The following SLC22A3 variants were observed in gnomAD, a reference collection of about 807,000 sequenced individuals.
SLC22A3 encodes the protein solute carrier family 22 member 3, also known as EMT organic cation transporter 3.
In SLC22A3, 51 loss-of-function variants were observed where a neutral mutation model predicts 59.1. The ratio of observed to expected loss-of-function variants is 0.86; its 90% confidence interval spans 0.69 to 1.09. The LOEUF (loss-of-function observed/expected upper bound fraction) is 1.09, where lower values mean the gene tolerates loss of function less well. Among genes scored for constraint, SLC22A3 ranks in the 50% least tolerant of loss-of-function variants. The probability of loss-of-function intolerance (pLI) is 0.00; values close to 1 mark genes in which losing one functional copy is unlikely to be tolerated. For missense variants in SLC22A3, 711 were observed against 726.3 expected, an observed-to-expected ratio of 0.98 and a Z score of 0.24; for synonymous variants, 325 against 292.0, an observed-to-expected ratio of 1.11 and a Z score of -1.15.
Position 160,439,328 on chromosome 6 carries a change from T to A in SLC22A3, c.1288+2117T>A, listed in dbSNP as rs1319710409. 3.3e-5 allele frequency among the ~76,000 whole-genome samples: 5 copies of A among 152,290 alleles called. No individual in the cohort carries two copies. The East Asian group carries it at 9.7e-4, about 29-fold the overall frequency. The stretch of plus-strand genomic sequence containing the variant: ...GATGAAGTCTTCTGTTCTCATCGTA[T>A]GTGGACTAGGAATGAATGAAATATT... On this transcript the variant is annotated intron_variant, in intron 7 of 10. Transcript: ENST00000275300.
At chr6:160,381,386 A>G (rs768935420) in intron 1 of SLC22A3, among the ~76,000 whole-genome samples, 2 of 152,224 alleles carry the variant, frequency 1.3e-5, no homozygotes, top group Non-Finnish European at 2.9e-5. Context: ...GGAGTAAGGT[A>G]AAACAGAAGC....
At chr6:160,364,440 G>A (rs141538843) in intron 1 of SLC22A3, among the ~76,000 whole-genome samples, 11 of 152,344 alleles carry the variant, frequency 7.2e-5, no homozygotes, top group African/African-American at 2.4e-4. Flanking sequence ...TGGGTGCAGC[G>A]TTGACAATAA....
intron 1 of SLC22A3, among the ~76,000 whole-genome samples, chr6:160,361,775 G>A (rs1008050342): frequency 6.6e-6 from 1 of 152,200 alleles, no homozygotes; most frequent in Non-Finnish European, 1.5e-5. Flanking sequence ...AGGAAAAGAA[G>A]TTCTGTAAAT....
At position 160,426,474 on chromosome 6, in the gene SLC22A3, G is replaced by A. The variant is rs965172859; in HGVS notation, c.976-10306G>A. The stretch of plus-strand genomic sequence containing the variant: ...CCTCCTCTATTCCCACTCTTCCCTC[G>A]GCAGGTTCCCACTCTAATGTGTCTG... On this transcript the variant is annotated intron_variant, in intron 5 of 10. Coordinates refer to ENST00000275300, the MANE Select transcript of SLC22A3 (RefSeq NM_021977.4). 1.2e-5 allele frequency: 6 copies of A among 498,684 alleles called. 1 individual carries two copies. The highest frequency in any genetic ancestry group is 8.6e-5 in the South Asian group (1 of 11,610). 30.9% of individuals were successfully genotyped at this position (498,684 alleles called of 1,614,324 possible). A position where few individuals can be genotyped will look rare whatever the true frequency, so the allele number is the denominator to read the frequency against.
chr6:160,348,728 C>T lies in SLC22A3; in HGVS notation c.309C>T (p.Ser103=), dbSNP rs918870271. Residue 103 remains serine, a synonymous_variant, in exon 1 of 11, where the codon TCC becomes TCT. Transcript: ENST00000275300. ...TGGAGGCGGCCAACGACAGCGCCTCCGCCACTAGCGCTCTCAGCTGCGCGG... is the reference window on the plus strand; with the variant it reads ...TGGAGGCGGCCAACGACAGCGCCTCTGCCACTAGCGCTCTCAGCTGCGCGG... ...YLLEAANDSA[S]ATSALSCADP... is the part of the protein sequence containing the mutation. The T allele has an allele frequency of 1.3e-6, 2 of 1,528,294 alleles. No homozygotes were observed. Among genetic ancestry groups the T allele is most frequent in the Middle Eastern group, 2.0e-4 (1 of 4,998 alleles). 94.7% of individuals were successfully genotyped at this position (1,528,294 alleles called of 1,614,324 possible).
At chr6:160,390,194 T>C (rs1215527579) in intron 1 of SLC22A3, among the ~76,000 whole-genome samples, 4 of 152,112 alleles carry the variant, frequency 2.6e-5, no homozygotes, top group Non-Finnish European at 5.9e-5. Flanking sequence ...TTAGCCTGAG[T>C]GGCCTAAAAA....
At chr6:160,391,373 T>C (rs1376671691) in intron 1 of SLC22A3, among the ~76,000 whole-genome samples, 2 of 152,218 alleles carry the variant, frequency 1.3e-5, no homozygotes, top group Non-Finnish European at 2.9e-5. Context: ...TTTATTATCA[T>C]CAGCATTATA....
chr6:160,371,507 T>C lies in SLC22A3; in HGVS notation c.429+22659T>C, dbSNP rs1036426905. Among the ~76,000 whole-genome samples, 5 of 152,360 alleles carry C rather than the reference T, an allele frequency of 3.3e-5. No homozygotes were observed. The East Asian group carries it at 9.6e-4, about 29-fold the overall frequency. On this transcript the variant is annotated intron_variant, in intron 1 of 10. Coordinates refer to ENST00000275300, the MANE Select transcript of SLC22A3 (RefSeq NM_021977.4). ...TTCATCCATGTCCCTGCAAAGGACA[T>C]GAACTCATCCTTTTTTATGGCTGCA...
chr6:160,385,856 T>C (rs1785986738), intron 1 of SLC22A3, among the ~76,000 whole-genome samples: 2 of 152,218 alleles, frequency 1.3e-5, no homozygotes, highest in Admixed American at 1.3e-4. Context: ...CTAGTTTCTA[T>C]CTGTGGCTTG....
Position 160,451,283 on chromosome 6 carries a change from CAAAG to C in SLC22A3, c.*230_*233del. ...AACACATAATATGTAGCCAGTTTAA[CAAAG>C]AAGCTGTCAGGTGCACAGCCCTTCC... On this transcript the variant is annotated 3_prime_UTR_variant, in exon 11 of 11. Coordinates refer to ENST00000275300, the MANE Select transcript of SLC22A3 (RefSeq NM_021977.4). 1 of 524,142 alleles carries C rather than the reference CAAAG, an allele frequency of 1.9e-6. No homozygotes were observed. The highest frequency in any genetic ancestry group is 2.2e-5 in the South Asian group (1 of 44,934). 32.5% of individuals were successfully genotyped at this position (524,142 alleles called of 1,614,324 possible). A position where few individuals can be genotyped will look rare whatever the true frequency, so the allele number is the denominator to read the frequency against.
At chr6:160,412,655 G>C (rs1328830875) in intron 5 of SLC22A3, among the ~76,000 whole-genome samples, 1 of 152,164 alleles carries the variant, frequency 6.6e-6, no homozygotes, top group African/African-American at 2.4e-5. Flanking sequence ...CATTTGAGCT[G>C]TGTGTTCCTT....
intron 5 of SLC22A3, chr6:160,426,313 C>G (rs1787950347): frequency 1.0e-6 from 1 of 985,152 alleles, no homozygotes; most frequent in East Asian, 1.1e-4. Context: ...GGTTTTGGTT[C>G]TTGTGGTTCT....
intron 1 of SLC22A3, 145 bp downstream of exon 1, chr6:160,348,993 C>T (rs1343516791): frequency 5.3e-6 from 8 of 1,503,486 alleles, no homozygotes; most frequent in Non-Finnish European, 7.1e-6. Context: ...AGACAGGATT[C>T]AGCGCACCCT....
chr6:160,448,753 A>C (rs1788842475), intron 10 of SLC22A3, among the ~76,000 whole-genome samples: 1 of 152,210 alleles, frequency 6.6e-6, no homozygotes, highest in Non-Finnish European at 1.5e-5. Context: ...AAGATGTAAA[A>C]TATTAATATG....
intron 1 of SLC22A3, among the ~76,000 whole-genome samples, chr6:160,351,319 G>A (rs1323141126): frequency 6.6e-6 from 1 of 152,174 alleles, no homozygotes; most frequent in African/African-American, 2.4e-5. Flanking sequence ...GTTTCACTGT[G>A]TTAGCCAGGA....
intron 1 of SLC22A3, among the ~76,000 whole-genome samples, chr6:160,383,428 C>G (rs1271775595): frequency 6.6e-6 from 1 of 152,120 alleles, no homozygotes; most frequent in African/African-American, 2.4e-5. Flanking sequence ...TGCATCTGAC[C>G]CTGGGGGGCC....
intron 1 of SLC22A3, among the ~76,000 whole-genome samples, chr6:160,371,359 T>TG (rs1421468162): frequency 6.6e-6 from 1 of 152,082 alleles, no homozygotes; most frequent in Non-Finnish European, 1.5e-5. Context: ...CAGGCCCTGG[T>TG]GTGTGATGTT....
At chr6:160,421,918 C>A (rs143642870) in intron 5 of SLC22A3, among the ~76,000 whole-genome samples, 70 of 152,304 alleles carry the variant, frequency 4.6e-4, no homozygotes, top group East Asian at 3.1e-3. Flanking sequence ...TTCAGCAAAA[C>A]CAGTTTCCAC....
At chr6:160,411,514 G>T (rs1231084952) in intron 5 of SLC22A3, among the ~76,000 whole-genome samples, 2 of 152,086 alleles carry the variant, frequency 1.3e-5, no homozygotes, top group Non-Finnish European at 2.9e-5. Flanking sequence ...GAGGTGGGAG[G>T]ATTGCTTGAG....
Sources: gnomAD v4.1 joint callset for allele counts (sites outside exome capture counted in the v4.1 genomes callset) on GRCh38, gnomAD v4.1.1 for gene constraint, MANE v1.5 for transcripts, NCBI Gene and HGNC (gene_info 2026-07-23, HGNC 2026-07-21) for gene names.